NHS: variants seen among roughly 807,000 people sequenced by gnomAD.
NHS encodes NHS actin remodeling regulator.
NHS carries 5 observed loss-of-function variants against 72.5 expected under a neutral mutation model. The observed-to-expected ratio is 0.07, with a 90% CI of 0.04 to 0.14. The LOEUF (loss-of-function observed/expected upper bound fraction) is 0.14. Among genes scored for constraint, NHS ranks in the 10% least tolerant of loss-of-function variants. NHS has a pLI of 1.00. For missense variants in NHS, 1,072 were observed against 1,355.7 expected, an observed-to-expected ratio of 0.79 and a Z score of 3.29; for synonymous variants, 464 against 547.7, an observed-to-expected ratio of 0.85 and a Z score of 2.13.
chrX:17,537,184 T>C (rs776397574), intron 1 of NHS, among the ~76,000 whole-genome samples: 9 of 112,369 alleles, frequency 8.0e-5, no homozygotes, highest in Non-Finnish European at 1.3e-4. Flanking sequence ...TGAAGTGAAG[T>C]TTCTGGTAGA....
Position 17,727,403 on chromosome X carries a change from C to T in NHS, c.3297C>T (p.Asn1099=), listed in dbSNP as rs752199066. ...LDLSALHNVL[N]KPFHHRHPLH... The stretch of plus-strand genomic sequence containing the variant: ...TAAGTGCTCTTCATAATGTCTTGAA[C>T]AAACCATTCCACCACCGTCATCCAC... The change falls in exon 7 of 9, where the codon AAC becomes AAT. Residue 1099 remains asparagine (N), a synonymous_variant. Coordinates refer to ENST00000676302, the MANE Select transcript of NHS (RefSeq NM_001291867.2). The T allele has an allele frequency of 2.5e-6, 3 of 1,211,261 alleles. No homozygotes were observed. In the South Asian group the frequency reaches 5.3e-5, roughly 21 times the overall value.
rs148396931 is a variant in NHS at position 17,653,532 on chromosome X, A to C, written c.566-34210A>C. On this transcript the variant is annotated intron_variant, in intron 1 of 8. Transcript: ENST00000676302. ...TGCCATCACTGTTAACAACCACCTC[A>C]TTATTGTAAAGATCAATACAAAGGA... Among the ~76,000 whole-genome samples the C allele has an allele frequency of 2.0e-3, 225 of 109,766 alleles. 1 individual carries two copies. In the Middle Eastern group the frequency reaches 0.033, roughly 16 times the overall value.
rs1474564170 is a variant in NHS, at chrX:17,721,626, T to C, written c.1101T>C (p.Asn367=). Reference sequence around the variant, plus strand: ...TTTCTTCTTGCATTATTCCCATCAATGTTACTGGTATCGTTCTGGTTTTTT... The same window carrying C: ...TTTCTTCTTGCATTATTCCCATCAACGTTACTGGTATCGTTCTGGTTTTTT... ...QVISSCIIPI[N]VTGVGFDREA... The change falls in exon 5 of 9, where the codon AAT becomes AAC. Residue 367 remains asparagine (N), a synonymous_variant. Transcript: ENST00000676302. The C allele has an allele frequency of 8.3e-7, 1 of 1,206,471 alleles. No individual in the cohort carries two copies. Among genetic ancestry groups the C allele is most frequent in the Non-Finnish European group, 1.1e-6 (1 of 892,670 alleles).
chrX:17,397,757 A>G (rs948346040), intron 1 of NHS, among the ~76,000 whole-genome samples: 4 of 112,080 alleles, frequency 3.6e-5, no homozygotes, highest in African/African-American at 1.3e-4. Flanking sequence ...CTATCCATTC[A>G]TGTGGTTGTT....
At chrX:17,482,251 A>T (rs1485060008) in intron 1 of NHS, among the ~76,000 whole-genome samples, 2 of 111,841 alleles carry the variant, frequency 1.8e-5, no homozygotes, top group Non-Finnish European at 3.8e-5. Flanking sequence ...ACTCATTCCC[A>T]GTGGGAAGGA....
chrX:17,408,008 T>TTTG (rs748327064), intron 1 of NHS, among the ~76,000 whole-genome samples: 13 of 111,054 alleles, frequency 1.2e-4, no homozygotes, highest in African/African-American at 1.6e-4. Context: ...TATATGTATT[T>TTTG]TTGTTGTTGT....
chrX:17,642,497 A>G (rs7049325), intron 1 of NHS, among the ~76,000 whole-genome samples: 10,092 of 110,712 alleles, frequency 0.091, 1,103 homozygotes, highest in African/African-American at 0.31. Context: ...CTTTTTCCTG[A>G]CCCCTTTTTC....
intron 1 of NHS, among the ~76,000 whole-genome samples, chrX:17,578,862 C>T (rs1249186720): frequency 2.7e-5 from 3 of 111,883 alleles, no homozygotes; most frequent in African/African-American, 9.8e-5. Context: ...CTGCTCTCAT[C>T]TCCTGCAGTG....
At chrX:17,474,906 A>G (rs1430512983) in intron 1 of NHS, among the ~76,000 whole-genome samples, 1 of 111,263 alleles carries the variant, frequency 9.0e-6, no homozygotes, top group Non-Finnish European at 1.9e-5. Flanking sequence ...AGACAGGCAA[A>G]GCCTTTCAAA....
At chrX:17,410,694 ACT>A (rs2064553779) in intron 1 of NHS, among the ~76,000 whole-genome samples, 1 of 108,050 alleles carries the variant, frequency 9.3e-6, no homozygotes, top group South Asian at 4.1e-4. Flanking sequence ...TTCCTGGAAA[ACT>A]CTCACATAAG....
At chrX:17,695,238 A>T (rs2066220915) in intron 3 of NHS, among the ~76,000 whole-genome samples, 1 of 112,282 alleles carries the variant, frequency 8.9e-6, no homozygotes, top group South Asian at 3.7e-4. Flanking sequence ...ACCCCAAGGC[A>T]ATAATCAGTG....
intron 1 of NHS, among the ~76,000 whole-genome samples, chrX:17,422,439 C>T (rs934621558): frequency 2.7e-5 from 3 of 110,806 alleles, no homozygotes. Context: ...ATCGAAAACC[C>T]TCTATATGCT....
intron 1 of NHS, among the ~76,000 whole-genome samples, chrX:17,646,367 G>C (rs748923544): frequency 8.9e-6 from 1 of 111,965 alleles, no homozygotes; most frequent in South Asian, 3.8e-4. Context: ...CTTTTGACAA[G>C]AACAGGAGAC....
At chrX:17,471,069 A>G (rs1219731718) in intron 1 of NHS, among the ~76,000 whole-genome samples, 1 of 111,763 alleles carries the variant, frequency 8.9e-6, no homozygotes, top group African/African-American at 3.3e-5. Context: ...TTAATGGGAT[A>G]AGCTTGTAGG....
chrX:17,482,766 C>G (rs1268626115), intron 1 of NHS, among the ~76,000 whole-genome samples: 1 of 112,189 alleles, frequency 8.9e-6, no homozygotes, highest in Admixed American at 9.5e-5. Flanking sequence ...GAGAGAACAC[C>G]AGGCAGTAAG....
intron 1 of NHS, among the ~76,000 whole-genome samples, chrX:17,578,951 AGTGT>A (rs772444033): frequency 8.1e-5 from 9 of 111,279 alleles, no homozygotes; most frequent in African/African-American, 2.9e-4. Context: ...CATGTGTGTG[AGTGT>A]GTGTGTATGT....
At position 17,711,851 on chromosome X, in the gene NHS, G is replaced by A. The variant is rs145498839; in HGVS notation, c.853-7493G>A. Among the ~76,000 whole-genome samples, 24 of 111,942 alleles carry A rather than the reference G, an allele frequency of 2.1e-4. No homozygotes were observed. The East Asian group carries it at 6.8e-3, about 32-fold the overall frequency. On this transcript the variant is annotated intron_variant, in intron 3 of 8. Coordinates refer to ENST00000676302, the MANE Select transcript of NHS (RefSeq NM_001291867.2). ...GCACAATCTGTTTATCCATTCTGCTGTTGGGAGATAGTCAGGTTGTTTCTA... is the reference window on the plus strand; with the variant it reads ...GCACAATCTGTTTATCCATTCTGCTATTGGGAGATAGTCAGGTTGTTTCTA...
intron 1 of NHS, among the ~76,000 whole-genome samples, chrX:17,657,241 C>A (rs745782022): frequency 8.9e-6 from 1 of 112,895 alleles, no homozygotes; most frequent in Non-Finnish European, 1.9e-5. Flanking sequence ...TCCTCACCCC[C>A]CTGCGGGGAA....
intron 1 of NHS, among the ~76,000 whole-genome samples, chrX:17,658,807 A>G (rs971732615): frequency 8.9e-6 from 1 of 111,866 alleles, no homozygotes; most frequent in African/African-American, 3.3e-5. Context: ...TGTACCAAAT[A>G]AGATATCAAT....
Sources: gnomAD v4.1 joint callset for allele counts (sites outside exome capture counted in the v4.1 genomes callset) on GRCh38, gnomAD v4.1.1 for gene constraint, MANE v1.5 for transcripts, NCBI Gene and HGNC (gene_info 2026-07-23, HGNC 2026-07-21) for gene names.